The following DGKB variants were observed in gnomAD, a reference collection of about 807,000 sequenced individuals.
The protein encoded by DGKB is diacylglycerol kinase beta, also known as 90 kDa diacylglycerol kinase.
In DGKB, 67 loss-of-function variants were observed where a neutral mutation model predicts 114.3. The observed-to-expected ratio is 0.59, with a 90% CI of 0.48 to 0.72. The LOEUF is 0.72. DGKB is among the 30% of genes least tolerant of loss of function. DGKB has a pLI of 0.00. For missense variants in DGKB, 907 were observed against 975.2 expected, an observed-to-expected ratio of 0.93 and a Z score of 0.93; for synonymous variants, 398 against 323.1, an observed-to-expected ratio of 1.23 and a Z score of -2.49.
intron 2 of DGKB, among the ~76,000 whole-genome samples, chr7:14,792,207 G>A (rs17168435): frequency 0.039 from 5,889 of 152,190 alleles, 180 homozygotes; most frequent in Admixed American, 0.1. Context: ...ATCTCTGTGA[G>A]CTTCAGCTGT....
intron 4 of DGKB, among the ~76,000 whole-genome samples, chr7:14,738,915 A>T (rs1412146325): frequency 6.6e-6 from 1 of 152,218 alleles, no homozygotes; most frequent in Non-Finnish European, 1.5e-5. Context: ...CAAAACAAAC[A>T]AAAACAAAGA....
chr7:14,665,625 G>A (rs566008217), intron 13 of DGKB, among the ~76,000 whole-genome samples: 2 of 152,054 alleles, frequency 1.3e-5, no homozygotes, highest in South Asian at 4.2e-4. Context: ...TGATTTTTGT[G>A]ATAATCTGCT....
intron 21 of DGKB, among the ~76,000 whole-genome samples, chr7:14,411,040 G>A (rs1424722691): frequency 9.9e-5 from 15 of 152,130 alleles, no homozygotes; most frequent in Admixed American, 2.6e-4. Flanking sequence ...CAATACCCCT[G>A]AGATGCTGCG....
intron 9 of DGKB, among the ~76,000 whole-genome samples, chr7:14,690,560 C>T (rs780678489): frequency 6.6e-6 from 1 of 152,210 alleles, no homozygotes; most frequent in Non-Finnish European, 1.5e-5. Flanking sequence ...CTGAGTCAAA[C>T]CTGGCCAGCA....
intron 17 of DGKB, among the ~76,000 whole-genome samples, chr7:14,590,756 G>A (rs1801571086): frequency 6.6e-6 from 1 of 151,900 alleles, no homozygotes; most frequent in Non-Finnish European, 1.5e-5. Context: ...GTGGTTTGTT[G>A]GGCTCTTTAT....
intron 20 of DGKB, among the ~76,000 whole-genome samples, chr7:14,506,357 CTT>C (rs765229109): frequency 6.6e-6 from 1 of 152,018 alleles, no homozygotes; most frequent in Non-Finnish European, 1.5e-5. Flanking sequence ...CAGTTAAAAA[CTT>C]TTGCTTAATC....
intron 20 of DGKB, among the ~76,000 whole-genome samples, chr7:14,539,125 G>A (rs929995512): frequency 6.6e-6 from 1 of 152,006 alleles, no homozygotes; most frequent in Non-Finnish European, 1.5e-5. Flanking sequence ...ATTGATCAGA[G>A]TAGATATCCT....
chr7:14,884,222 C>G (rs1334251408), intron 1 of DGKB, among the ~76,000 whole-genome samples: 1 of 152,070 alleles, frequency 6.6e-6, no homozygotes, highest in African/African-American at 2.4e-5. Flanking sequence ...CAAATACAAT[C>G]AGACCCTTGT....
At chr7:14,151,850 A>C (rs1782256329) in intron 25 of DGKB, among the ~76,000 whole-genome samples, 1 of 152,112 alleles carries the variant, frequency 6.6e-6, no homozygotes, top group South Asian at 2.1e-4. Flanking sequence ...CTGTCTCTTC[A>C]CATGCCTTAT....
intron 3 of DGKB, among the ~76,000 whole-genome samples, chr7:14,756,505 A>G (rs1834893084): frequency 6.6e-6 from 1 of 151,996 alleles, no homozygotes; most frequent in Non-Finnish European, 1.5e-5. Context: ...TATTAATTTT[A>G]TTTTTTAAGA....
At chr7:14,666,779 C>T (rs1405834722) in intron 13 of DGKB, among the ~76,000 whole-genome samples, 2 of 150,962 alleles carry the variant, frequency 1.3e-5, no homozygotes, top group Non-Finnish European at 1.5e-5. Context: ...CATTTTTTTT[C>T]TTAAAAAAAA....
At chr7:14,259,383 C>T (rs1015592941) in intron 23 of DGKB, among the ~76,000 whole-genome samples, 1 of 86,236 alleles carries the variant, frequency 1.2e-5, no homozygotes, top group South Asian at 3.5e-4. Context: ...TAAAGTTTCT[C>T]TCTCTCTCTC....
chr7:14,928,817 AT>A (rs1299283981), intron 1 of DGKB, among the ~76,000 whole-genome samples: 1 of 151,804 alleles, frequency 6.6e-6, no homozygotes, highest in African/African-American at 2.4e-5. Flanking sequence ...CTCATCATCC[AT>A]CCCCCTCCTA....
chr7:14,545,436 AT>A (rs752735974), intron 20 of DGKB, among the ~76,000 whole-genome samples: 42 of 152,336 alleles, frequency 2.8e-4, no homozygotes, highest in Non-Finnish European at 5.6e-4. Context: ...CAGACTTGCA[AT>A]AAGCCATGAA....
chr7:14,181,262 C>T (rs1272733565), intron 23 of DGKB, among the ~76,000 whole-genome samples: 1 of 152,184 alleles, frequency 6.6e-6, no homozygotes, highest in East Asian at 1.9e-4. Flanking sequence ...ATAAGTTTGC[C>T]CACCTATGCT....
rs748736176 is a variant in DGKB, at chr7:14,176,847, G to A, written c.2296C>T (p.Pro766Ser). The change falls in exon 25 of 26, where the codon CCA (proline) becomes TCA (serine). Residue 766 changes from proline to serine, a missense_variant. By Grantham distance (74) the Pro-to-Ser change is moderately conservative. Around this residue, in one of 3 missense-constraint regions of DGKB, gnomAD observed 58 missense variants for 52.5 expected, o/e 1.10. Transcript: ENST00000402815. ...AACTACTCTGTACTCACTGTGCATGGGGTCTGCATCCATGGCTCCCCATCA... is the reference window on the plus strand; with the variant it reads ...AACTACTCTGTACTCACTGTGCATGAGGTCTGCATCCATGGCTCCCCATCA... ...QIDGEPWMQT[P>S]CTIKITHKNQ... is the part of the protein sequence containing the mutation. 1.2e-6 allele frequency: 2 copies of A among 1,613,764 alleles called. No homozygotes were observed. Among genetic ancestry groups the A allele is most frequent in the Non-Finnish European group, 1.7e-6 (2 of 1,179,814 alleles).
intron 1 of DGKB, among the ~76,000 whole-genome samples, chr7:14,911,025 T>C (rs1783974884): frequency 6.6e-6 from 1 of 152,144 alleles, no homozygotes; most frequent in African/African-American, 2.4e-5. Context: ...ATGTATCATA[T>C]GCTTTATGCC....
chr7:14,587,200 A>T (rs578023939), intron 17 of DGKB, among the ~76,000 whole-genome samples: 17 of 152,220 alleles, frequency 1.1e-4, no homozygotes, highest in Admixed American at 3.9e-4. Context: ...GTTTGGAAGA[A>T]GTTGATGCCA....
intron 21 of DGKB, among the ~76,000 whole-genome samples, chr7:14,367,663 C>G (rs1816909038): frequency 1.3e-5 from 2 of 151,880 alleles, no homozygotes; most frequent in South Asian, 4.2e-4. Flanking sequence ...TCACACTGCT[C>G]TTAAGAAATA....
Sources: allele counts gnomAD v4.1 joint callset (sites outside exome capture counted in the v4.1 genomes callset), GRCh38; gene constraint gnomAD v4.1.1; regional missense constraint gnomAD v4.1.1; transcripts MANE v1.5; gene names NCBI Gene and HGNC (gene_info 2026-07-23, HGNC 2026-07-21).